Variants in LATS1 observed in about 807,000 individuals in gnomAD.
LATS1 encodes the protein serine/threonine-protein kinase LATS1.
LATS1 carries 25 observed loss-of-function variants against 106.6 expected under a neutral mutation model. The observed-to-expected ratio is 0.23, with a 90% CI of 0.17 to 0.33. The LOEUF (loss-of-function observed/expected upper bound fraction) is 0.33, where lower values mean the gene tolerates loss of function less well. Among genes scored for constraint, LATS1 ranks in the 10% least tolerant of loss-of-function variants. The pLI is 1.00. For synonymous variants in LATS1, 465 were observed against 455.6 expected, an observed-to-expected ratio of 1.02 and a Z score of -0.26; for missense variants, 1,040 against 1,382.6, an observed-to-expected ratio of 0.75 and a Z score of 3.93.
chr6:149,684,591 C>G lies in LATS1; in HGVS notation c.498G>C (p.Gly166=), dbSNP rs1166587683. The change falls in exon 4 of 8, where the codon GGG becomes GGC. Residue 166 remains glycine, a splice_region_variant and synonymous_variant. Transcript: ENST00000543571. ...ARPINASMKP[G]NVQQSVNRKQ... is the part of the protein sequence containing the mutation. ...TGCGGTTAACTGATTGCTGCACATT[C>G]CCTATGGTTATAAGAGAGATAAAGA... is the stretch of plus-strand genomic sequence containing the variant. The G allele has an allele frequency of 7.6e-6, 12 of 1,580,066 alleles. No individual in the cohort carries two copies. Among genetic ancestry groups the G allele is most frequent in the Non-Finnish European group, 9.5e-6 (11 of 1,160,168 alleles).
intron 1 of LATS1, among the ~76,000 whole-genome samples, chr6:149,709,121 C>T (rs1332488133): frequency 6.6e-6 from 1 of 152,152 alleles, no homozygotes. Context: ...AACCCCTCCT[C>T]CCAGCCAAGA....
At chr6:149,717,308 A>T (rs2115045738) in intron 1 of LATS1, among the ~76,000 whole-genome samples, 2 of 152,262 alleles carry the variant, frequency 1.3e-5, no homozygotes, top group Admixed American at 1.3e-4. Flanking sequence ...CATTTGCTGT[A>T]TTTATATACA....
chr6:149,682,590 ATT>A (rs1231245842), intron 4 of LATS1, among the ~76,000 whole-genome samples: 2 of 151,598 alleles, frequency 1.3e-5, no homozygotes, highest in African/African-American at 4.8e-5. Flanking sequence ...TTTTTTTGGT[ATT>A]TTTAGTAGAG....
In LATS1 at chr6:149,661,789, C is replaced by T. The variant is rs765205291; in HGVS notation, c.3333G>A (p.Ser1111=). Reference sequence around the variant, plus strand: ...AGCCTGTGTTTTGATCATCTTCATCCGACTGCTGCTCTGAGCCTTGTGAAT... The same window carrying T: ...AGCCTGTGTTTTGATCATCTTCATCTGACTGCTGCTCTGAGCCTTGTGAAT... ...YINSQGSEQQ[S]DEDDQNTGSE... is the part of the protein sequence containing the mutation. The change falls in exon 8 of 8, where the codon TCG becomes TCA. Residue 1111 remains serine, a synonymous_variant. Coordinates refer to ENST00000543571, the MANE Select transcript of LATS1 (RefSeq NM_004690.4). 5.0e-6 allele frequency: 8 copies of T among 1,602,962 alleles called. 1 individual carries two copies. The highest frequency in any genetic ancestry group is 3.5e-5 in the Admixed American group (2 of 57,812).
chr6:149,666,291 T>C (rs1409452385), intron 7 of LATS1, among the ~76,000 whole-genome samples: 3 of 151,646 alleles, frequency 2.0e-5, no homozygotes, highest in South Asian at 2.1e-4. Context: ...TGATATGACA[T>C]AGATGCTAGA....
At chr6:149,698,539 C>T (rs1449919485) in intron 2 of LATS1, among the ~76,000 whole-genome samples, 1 of 151,488 alleles carries the variant, frequency 6.6e-6, no homozygotes, top group Admixed American at 6.6e-5. Context: ...AACCATCACA[C>T]CCAGCCAGAA....
rs180723284 is a variant in LATS1 at position 149,665,191 on chromosome 6, G to A, written c.2884-2953C>T. Among the ~76,000 whole-genome samples, 75 of 152,198 alleles carry A rather than the reference G, an allele frequency of 4.9e-4. No individual in the cohort carries two copies. The East Asian group carries it at 0.013, about 27-fold the overall frequency. ...AGCTTGGCCAAAATGGTGAAGCCCC[G>A]TCTCTATTAAAATACAAAAATTAGT... On this transcript the variant is annotated intron_variant, in intron 7 of 7. Coordinates refer to ENST00000543571, the MANE Select transcript of LATS1 (RefSeq NM_004690.4).
intron 3 of LATS1, among the ~76,000 whole-genome samples, chr6:149,691,953 T>C (rs1327364651): frequency 6.6e-6 from 1 of 152,164 alleles, no homozygotes; most frequent in African/African-American, 2.4e-5. Context: ...ACCAAGTCCT[T>C]GTCAATTTTA....
chr6:149,715,738 T>C (rs1784343203), intron 1 of LATS1, among the ~76,000 whole-genome samples: 1 of 152,200 alleles, frequency 6.6e-6, no homozygotes, highest in Non-Finnish European at 1.5e-5. Flanking sequence ...TCAGAATGCC[T>C]TCTAGAAAGT....
chr6:149,691,985 C>A (rs1471172216), intron 3 of LATS1, among the ~76,000 whole-genome samples: 1 of 152,142 alleles, frequency 6.6e-6, no homozygotes, highest in Admixed American at 6.6e-5. Context: ...CCTCTTAATT[C>A]ATTTATTTTC....
intron 1 of LATS1, among the ~76,000 whole-genome samples, chr6:149,709,668 C>CTT (rs142425039): frequency 0.045 from 3,367 of 75,462 alleles, 469 homozygotes; most frequent in East Asian, 0.1. Context: ...AACCCCTTAT[C>CTT]TTTTTTTTTT....
At chr6:149,674,457 C>T (rs951604102) in intron 7 of LATS1, among the ~76,000 whole-genome samples, 3 of 152,124 alleles carry the variant, frequency 2.0e-5, no homozygotes, top group South Asian at 2.1e-4. Flanking sequence ...CTCACTGCAA[C>T]GTCTCCTAGG....
chr6:149,717,835 A>T lies in LATS1; in HGVS notation c.-141+14T>A, dbSNP rs1040199400. On this transcript the variant is annotated intron_variant, in intron 1 of 7. Transcript: ENST00000543571. ...ACTGGAGGAGCGCACCCGCTACGCCAGCCCCGGACCTACCTGGAGGGGAGA... is the reference window on the plus strand; with the variant it reads ...ACTGGAGGAGCGCACCCGCTACGCCTGCCCCGGACCTACCTGGAGGGGAGA... 6.7e-6 allele frequency: 2 copies of T among 297,686 alleles called. No homozygotes were observed. Among genetic ancestry groups the T allele is most frequent in the African/African-American group, 4.7e-5 (2 of 42,378 alleles). 18.4% of individuals were successfully genotyped at this position (297,686 alleles called of 1,614,324 possible).
intron 1 of LATS1, among the ~76,000 whole-genome samples, chr6:149,714,657 C>A (rs2115032493): frequency 6.6e-6 from 1 of 151,928 alleles, no homozygotes. Context: ...CAAGCAAAAC[C>A]CCAGTATTCT....
At chr6:149,679,311 G>A (rs1460124197) in intron 5 of LATS1, among the ~76,000 whole-genome samples, 1 of 151,994 alleles carries the variant, frequency 6.6e-6, no homozygotes, top group Non-Finnish European at 1.5e-5. Context: ...CAGCACTTTG[G>A]GTGGCTGAGA....
chr6:149,695,110 C>G lies in LATS1; in HGVS notation c.460G>C (p.Ala154Pro). ...QDPRREQMAA[A>P]AARPINASMK... is the part of the protein sequence containing the mutation. The stretch of plus-strand genomic sequence containing the variant: ...CTGGCATTAATAGGTCTGGCAGCTG[C>G]TGCAGCCATCTGCTCTCGTCGAGGA... The change falls in exon 3 of 8, where the codon GCA (alanine) becomes CCA (proline). Residue 154 changes from alanine (A) to proline (P), a missense_variant. Around this residue, in one of 7 missense-constraint regions of LATS1, gnomAD observed 624 missense variants for 714.8 expected, o/e 0.87. Coordinates refer to ENST00000543571, the MANE Select transcript of LATS1 (RefSeq NM_004690.4). The G allele has an allele frequency of 6.2e-7, 1 of 1,611,062 alleles. No individual in the cohort carries two copies. Among genetic ancestry groups the G allele is most frequent in the Non-Finnish European group, 8.5e-7 (1 of 1,178,934 alleles).
chr6:149,697,781 G>T (rs1783182560), intron 2 of LATS1, among the ~76,000 whole-genome samples: 1 of 152,060 alleles, frequency 6.6e-6, no homozygotes, highest in Admixed American at 6.6e-5. Flanking sequence ...GTCGCCTGGG[G>T]TTGGAGTGCA....
At chr6:149,704,887 T>TATACACAC (rs1783669412) in intron 1 of LATS1, among the ~76,000 whole-genome samples, 1 of 139,798 alleles carries the variant, frequency 7.2e-6, no homozygotes, top group South Asian at 2.4e-4. Context: ...AAATTAATTA[T>TATACACAC]ACACACACAC....
At chr6:149,675,686 A>G (rs1044559934) in intron 7 of LATS1, 1 of 152,278 alleles carries the variant, frequency 6.6e-6, no homozygotes, top group African/African-American at 2.4e-5. Context: ...CTTCCCAAGT[A>G]GCTGGGATTA....
Sources: gnomAD v4.1 joint callset for allele counts (sites outside exome capture counted in the v4.1 genomes callset) on GRCh38, gnomAD v4.1.1 for gene constraint, gnomAD v4.1.1 regional missense constraint, MANE v1.5 for transcripts, NCBI Gene and HGNC (gene_info 2026-07-23, HGNC 2026-07-21) for gene names.